The following CDKAL1 variants were observed in gnomAD, a reference collection of about 807,000 sequenced individuals.
The protein encoded by CDKAL1 is CDKAL1 threonylcarbamoyladenosine tRNA methylthiotransferase.
Under a neutral mutation model 68.2 loss-of-function variants are expected in CDKAL1, and 32 were observed. The ratio of observed to expected loss-of-function variants is 0.47; its 90% CI spans 0.35 to 0.63. CDKAL1 has a LOEUF of 0.63. CDKAL1 is among the 30% of genes least tolerant of loss of function. The pLI is 0.00. For missense variants in CDKAL1, 606 were observed against 696.7 expected (o/e 0.87, Z 1.47); for synonymous variants, 234 against 244.3 (o/e 0.96, Z 0.39).
chr6:21,108,503 C>T (rs747298765), intron 13 of CDKAL1, 40 bp downstream of exon 13: 1 of 1,310,798 alleles, frequency 7.6e-7, no homozygotes, highest in Non-Finnish European at 1.1e-6. Context: ...GTATTAAAGT[C>T]TTTCCGAATG....
chr6:20,964,015 T>C (rs1012947432), intron 10 of CDKAL1, among the ~76,000 whole-genome samples: 7 of 151,844 alleles, frequency 4.6e-5, no homozygotes, highest in Middle Eastern at 3.2e-3. Context: ...CAGAAACTTT[T>C]CAGAAGACAA....
intron 6 of CDKAL1, among the ~76,000 whole-genome samples, chr6:20,743,138 T>G (rs1773528757): frequency 6.6e-6 from 1 of 152,154 alleles, no homozygotes; most frequent in African/African-American, 2.4e-5. Context: ...ATTCAGTGAC[T>G]TGGGAAACTA....
intron 5 of CDKAL1, among the ~76,000 whole-genome samples, chr6:20,692,446 A>G (rs1215517403): frequency 1.3e-5 from 2 of 152,142 alleles, no homozygotes; most frequent in Non-Finnish European, 2.9e-5. Flanking sequence ...GGTTTTCTTC[A>G]TTTTTATATG....
chr6:20,590,212 T>C (rs80321174), intron 4 of CDKAL1, among the ~76,000 whole-genome samples: 4,621 of 152,256 alleles, frequency 0.03, 231 homozygotes, highest in African/African-American at 0.1. Flanking sequence ...TACTTTACTT[T>C]CAGTCTCATT....
intron 12 of CDKAL1, among the ~76,000 whole-genome samples, chr6:21,102,718 CTT>C (rs1265285556): frequency 1.3e-5 from 2 of 152,148 alleles, no homozygotes; most frequent in Non-Finnish European, 2.9e-5. Context: ...ACTCCAGTCT[CTT>C]TTGGAATTTT....
chr6:21,223,765 G>T (rs1477297355), intron 15 of CDKAL1, among the ~76,000 whole-genome samples: 2 of 152,124 alleles, frequency 1.3e-5, no homozygotes, highest in African/African-American at 4.8e-5. Flanking sequence ...TGTCTCTTGG[G>T]GCCAAAAGAC....
At chr6:21,087,686 C>A (rs994835296) in intron 12 of CDKAL1, among the ~76,000 whole-genome samples, 1 of 152,018 alleles carries the variant, frequency 6.6e-6, no homozygotes, top group African/African-American at 2.4e-5. Context: ...TTTTATCTAA[C>A]CCTAACTCTT....
intron 7 of CDKAL1, among the ~76,000 whole-genome samples, chr6:20,775,198 A>G (rs1775120318): frequency 6.6e-6 from 1 of 152,190 alleles, no homozygotes; most frequent in African/African-American, 2.4e-5. Context: ...TGTCATTATC[A>G]GTTGATCTTG....
intron 11 of CDKAL1, among the ~76,000 whole-genome samples, chr6:21,016,601 A>G (rs760982064): frequency 4.7e-5 from 7 of 148,566 alleles, no homozygotes; most frequent in Non-Finnish European, 7.4e-5. Flanking sequence ...TTCTGTCCCC[A>G]CGCCTTCCAT....
At chr6:20,540,023 C>T (rs1763325415) in intron 2 of CDKAL1, among the ~76,000 whole-genome samples, 1 of 150,396 alleles carries the variant, frequency 6.6e-6, no homozygotes, top group Admixed American at 6.6e-5. Context: ...TTTAGGGTGA[C>T]AGAAAGAGGG....
At chr6:20,601,441 G>T (rs1321396169) in intron 4 of CDKAL1, among the ~76,000 whole-genome samples, 3 of 152,100 alleles carry the variant, frequency 2.0e-5, no homozygotes, top group African/African-American at 7.2e-5. Context: ...AGTTTTTCTT[G>T]TGGGCATGGG....
At chr6:20,792,884 A>G (rs1775955403) in intron 8 of CDKAL1, among the ~76,000 whole-genome samples, 1 of 152,226 alleles carries the variant, frequency 6.6e-6, no homozygotes, top group South Asian at 2.1e-4. Context: ...ATTTTGTTTT[A>G]GTCTACATGG....
rs573823593 is a variant in CDKAL1 at position 20,583,435 on chromosome 6, G to A, written c.286+34730G>A. Among the ~76,000 whole-genome samples the A allele has an allele frequency of 3.3e-5, 5 of 152,206 alleles. No homozygotes were observed. The East Asian group carries it at 9.7e-4, about 29-fold the overall frequency. On this transcript the variant is annotated intron_variant, in intron 4 of 15. Coordinates refer to ENST00000274695, the MANE Select transcript of CDKAL1 (RefSeq NM_017774.3). ...TTTCAGTACATATTGATGTATTTCT[G>A]GAATGAATGTTCCTGTGATCTTGGC... is the stretch of plus-strand genomic sequence containing the variant.
intron 6 of CDKAL1, among the ~76,000 whole-genome samples, chr6:20,741,286 C>T (rs1440233049): frequency 6.6e-6 from 1 of 151,786 alleles, no homozygotes; most frequent in Non-Finnish European, 1.5e-5. Flanking sequence ...TCTATTTAAT[C>T]CCACACCTTT....
intron 9 of CDKAL1, among the ~76,000 whole-genome samples, chr6:20,925,245 C>A (rs1191668400): frequency 2.0e-5 from 3 of 152,178 alleles, no homozygotes; most frequent in African/African-American, 7.2e-5. Flanking sequence ...ATTTTAAAAT[C>A]AAGGTATGTA....
chr6:20,802,974 AG>A (rs374931086), intron 8 of CDKAL1, among the ~76,000 whole-genome samples: 115 of 152,340 alleles, frequency 7.5e-4, no homozygotes, highest in African/African-American at 2.7e-3. Context: ...GACAGATGTC[AG>A]GATTATTTGG....
chr6:20,962,623 T>G lies in CDKAL1; in HGVS notation c.909+7038T>G, dbSNP rs137995364. ...TTATGTTTCATCAAAGCAATACAGA[T>G]TTTCCAAACTGAACTCAGCAGTTCA... On this transcript the variant is annotated intron_variant, in intron 10 of 15. Coordinates refer to ENST00000274695, the MANE Select transcript of CDKAL1 (RefSeq NM_017774.3). 3.2e-3 allele frequency among the ~76,000 whole-genome samples: 493 copies of G among 152,308 alleles called. 5 individuals carry two copies. Among genetic ancestry groups the G allele is most frequent in the African/African-American group, 0.01 (421 of 41,576 alleles).
intron 9 of CDKAL1, among the ~76,000 whole-genome samples, chr6:20,949,667 T>C (rs1366509489): frequency 6.6e-6 from 1 of 152,168 alleles, no homozygotes; most frequent in Admixed American, 6.5e-5. Flanking sequence ...TGGGAAATGC[T>C]TCTTTTCTCT....
chr6:20,553,338 G>A (rs1249180571), intron 4 of CDKAL1, among the ~76,000 whole-genome samples: 1 of 151,818 alleles, frequency 6.6e-6, no homozygotes, highest in Non-Finnish European at 1.5e-5. Context: ...GCAAAACCCC[G>A]TCTCTACTAA....
Sources: allele counts gnomAD v4.1 joint callset (sites outside exome capture counted in the v4.1 genomes callset), GRCh38; gene constraint gnomAD v4.1.1; transcripts MANE v1.5; gene names NCBI Gene and HGNC (gene_info 2026-07-23, HGNC 2026-07-21).